Variants in FAR1 observed in about 807,000 individuals in gnomAD.
The protein encoded by FAR1 is fatty acyl-CoA reductase 1, also known as male sterility domain-containing protein 2.
In FAR1, 22 loss-of-function variants were observed where a neutral mutation model predicts 61.1. The observed-to-expected ratio is 0.36, with a 90% CI of 0.26 to 0.51. FAR1 has a LOEUF of 0.51. Among genes scored for constraint, FAR1 ranks in the 20% least tolerant of loss-of-function variants. The probability of loss-of-function intolerance (pLI) is 0.95; values close to 1 mark genes in which losing one functional copy is unlikely to be tolerated. For missense variants in FAR1, 359 were observed against 626.9 expected, an observed-to-expected ratio of 0.57 and a Z score of 4.56; for synonymous variants, 206 against 209.7, an observed-to-expected ratio of 0.98 and a Z score of 0.15.
chr11:13,725,902 T>C (rs1259427398), intron 10 of FAR1, among the ~76,000 whole-genome samples: 3 of 152,012 alleles, frequency 2.0e-5, no homozygotes, highest in African/African-American at 7.2e-5. Context: ...TTTGTCACTC[T>C]GGTTTTAAGT....
At chr11:13,675,724 G>T (rs1366404664) in intron 1 of FAR1, among the ~76,000 whole-genome samples, 1 of 152,096 alleles carries the variant, frequency 6.6e-6, no homozygotes, top group Non-Finnish European at 1.5e-5. Context: ...GTGTGCAGTT[G>T]TGTGTGTGTG....
intron 4 of FAR1, among the ~76,000 whole-genome samples, chr11:13,708,474 C>CACACAT (rs1565348215): frequency 1.6e-5 from 2 of 126,906 alleles, no homozygotes; most frequent in South Asian, 2.7e-4. Flanking sequence ...CACACACACA[C>CACACAT]ACATACATTT....
intron 3 of FAR1, among the ~76,000 whole-genome samples, chr11:13,705,861 G>T (rs1411451086): frequency 6.6e-6 from 1 of 152,020 alleles, no homozygotes; most frequent in African/African-American, 2.4e-5. Context: ...CCTGTCCTCA[G>T]GAACCTGTAA....
At chr11:13,671,549 T>G (rs1848004466) in intron 1 of FAR1, among the ~76,000 whole-genome samples, 1 of 152,208 alleles carries the variant, frequency 6.6e-6, no homozygotes, top group Admixed American at 6.5e-5. Flanking sequence ...GGTTTAACAG[T>G]CAACCATATA....
intron 1 of FAR1, among the ~76,000 whole-genome samples, chr11:13,672,988 TC>T (rs1848027226): frequency 6.6e-6 from 1 of 152,214 alleles, no homozygotes; most frequent in South Asian, 2.1e-4. Context: ...ATAGTTCCTC[TC>T]ATTAATGGGT....
At chr11:13,681,524 A>G (rs549011855) in intron 1 of FAR1, among the ~76,000 whole-genome samples, 25 of 152,338 alleles carry the variant, frequency 1.6e-4, no homozygotes, top group African/African-American at 5.1e-4. Flanking sequence ...AGAAAATTAC[A>G]CTGTATGACT....
chr11:13,718,378 A>G (rs1848576276), intron 9 of FAR1, among the ~76,000 whole-genome samples: 2 of 152,100 alleles, frequency 1.3e-5, no homozygotes, highest in African/African-American at 4.8e-5. Flanking sequence ...TAGATCATTG[A>G]GTTTATTAGT....
rs148106036 is a variant in FAR1, at chr11:13,721,287, TTATAAA to T, written c.1128-437_1128-432del. The stretch of plus-strand genomic sequence containing the variant: ...CTTCAGCAGTGCTGAAGAGTTGGAA[TTATAAA>T]TATAACACAGTATGTTATTAATTCA... On this transcript the variant is annotated intron_variant, in intron 9 of 11. Coordinates refer to ENST00000354817, the MANE Select transcript of FAR1 (RefSeq NM_032228.6). This position sits in a 1 kb window ranked among gnomAD's most constrained non-coding sequence, Gnocchi z 4.2. The T allele has an allele frequency of 0.09, 13,836 of 153,452 alleles. 704 individuals carry two copies. Among genetic ancestry groups the T allele is most frequent in the South Asian group, 0.13 (637 of 4,942 alleles). The allele number at this position is 153,452 out of a possible 1,614,324, so 9.5% of individuals were successfully genotyped here.
At chr11:13,701,313 A>C (rs903436941) in intron 3 of FAR1, among the ~76,000 whole-genome samples, 1 of 152,136 alleles carries the variant, frequency 6.6e-6, no homozygotes, top group African/African-American at 2.4e-5. Flanking sequence ...ATAAGTGTTT[A>C]AGATGATAGA....
intron 1 of FAR1, among the ~76,000 whole-genome samples, chr11:13,693,516 G>GATACTA (rs1848276001): frequency 6.6e-6 from 1 of 152,166 alleles, no homozygotes; most frequent in Non-Finnish European, 1.5e-5. Flanking sequence ...CTAAGCCTGG[G>GATACTA]AGCCAAAGTT....
intron 1 of FAR1, among the ~76,000 whole-genome samples, chr11:13,673,890 C>T (rs1055559124): frequency 6.6e-6 from 1 of 152,182 alleles, no homozygotes; most frequent in Admixed American, 6.5e-5. Context: ...TCCCAGCCTT[C>T]CCCATCTTAT....
chr11:13,703,766 G>T (rs1848402666), intron 3 of FAR1, among the ~76,000 whole-genome samples: 1 of 152,170 alleles, frequency 6.6e-6, no homozygotes, highest in South Asian at 2.1e-4. Context: ...GGGGAGGGCT[G>T]GGCGTGGGGG....
At chr11:13,714,001 A>G (rs1338585411) in intron 8 of FAR1, among the ~76,000 whole-genome samples, 2 of 152,146 alleles carry the variant, frequency 1.3e-5, no homozygotes, top group Admixed American at 6.6e-5. Context: ...ATTAATATAG[A>G]TGATACTAGG....
At chr11:13,705,706 C>T (rs1384423067) in intron 3 of FAR1, among the ~76,000 whole-genome samples, 1 of 152,096 alleles carries the variant, frequency 6.6e-6, no homozygotes, top group Non-Finnish European at 1.5e-5. Flanking sequence ...ATTTTAAGAA[C>T]TCAACCCAAT....
At chr11:13,669,950 G>A (rs1565335682) in intron 1 of FAR1, among the ~76,000 whole-genome samples, 1 of 152,206 alleles carries the variant, frequency 6.6e-6, no homozygotes, top group East Asian at 1.9e-4. Flanking sequence ...CCCTCCAGGG[G>A]AGTTTCTCAG....
chr11:13,701,662 A>G (rs1848377062), intron 3 of FAR1, among the ~76,000 whole-genome samples: 1 of 152,174 alleles, frequency 6.6e-6, no homozygotes, highest in Non-Finnish European at 1.5e-5. Flanking sequence ...GTGACAGTTC[A>G]GTGCCAAAGC....
intron 1 of FAR1, among the ~76,000 whole-genome samples, 188 bp downstream of exon 1, chr11:13,668,994 G>GCCCTCACCCCTCTTTGCCCCGCCTCA (rs1847961376): frequency 6.6e-6 from 1 of 152,196 alleles, no homozygotes; most frequent in African/African-American, 2.4e-5. Flanking sequence ...GGTGGTCTCT[G>GCCCTCACCCCTCTTTGCCCCGCCTCA]CCCCTCTTTG....
chr11:13,703,242 G>A (rs187291325), intron 3 of FAR1, among the ~76,000 whole-genome samples: 239 of 152,286 alleles, frequency 1.6e-3, no homozygotes, highest in African/African-American at 5.4e-3. Flanking sequence ...AGAGTGCAGT[G>A]ACACAATCAT....
chr11:13,687,931 A>C (rs1318569041), intron 1 of FAR1, among the ~76,000 whole-genome samples: 1 of 119,088 alleles, frequency 8.4e-6, no homozygotes, highest in Non-Finnish European at 1.6e-5. Context: ...GGGGAACATC[A>C]CACACCGGGG....
Sources: allele counts gnomAD v4.1 joint callset (sites outside exome capture counted in the v4.1 genomes callset), GRCh38; gene constraint gnomAD v4.1.1; non-coding constraint Gnocchi (gnomAD v3.1); transcripts MANE v1.5; gene names NCBI Gene and HGNC (gene_info 2026-07-23, HGNC 2026-07-21).